The following SHISA9 variants were observed in gnomAD, a reference collection of about 807,000 sequenced individuals.
SHISA9 encodes the protein shisa family member 9, also known as protein shisa-9.
Under a neutral mutation model 38.0 loss-of-function variants are expected in SHISA9, and 13 were observed. The observed-to-expected ratio is 0.34, with a 90% CI of 0.22 to 0.54. SHISA9 has a LOEUF of 0.54. Ranked by LOEUF, SHISA9 falls within the 20% of genes least tolerant of loss-of-function variation. The probability of loss-of-function intolerance (pLI) is 0.91; values close to 1 mark genes in which losing one functional copy is unlikely to be tolerated. For synonymous variants in SHISA9, 275 were observed against 242.0 expected, an observed-to-expected ratio of 1.14 and a Z score of -1.27; for missense variants, 538 against 575.8, an observed-to-expected ratio of 0.93 and a Z score of 0.67.
chr16:13,137,732 G>A (rs1267645622), intron 2 of SHISA9, among the ~76,000 whole-genome samples: 3 of 152,158 alleles, frequency 2.0e-5, no homozygotes, highest in South Asian at 4.1e-4. Flanking sequence ...GGGATTACAG[G>A]CATGAGCCAC....
chr16:13,455,565 G>A, the SHISA9 span, among the ~76,000 whole-genome samples: 2 of 152,156 alleles, frequency 1.3e-5, no homozygotes, highest in Admixed American at 6.5e-5. Context: ...GCCTGGCCCC[G>A]GCTGAATCCT....
At chr16:13,170,492 A>G (rs150080) in intron 2 of SHISA9, among the ~76,000 whole-genome samples, 94,769 of 151,984 alleles carry the variant, frequency 0.62, 29,613 homozygotes, top group Admixed American at 0.67. Context: ...GGGGCCTGCC[A>G]GGGGTGGTGT....
intron 2 of SHISA9, among the ~76,000 whole-genome samples, chr16:13,050,822 AT>A (rs1206959438): frequency 6.6e-6 from 1 of 152,172 alleles, no homozygotes; most frequent in African/African-American, 2.4e-5. Context: ...TTTATGGGAC[AT>A]CCTAATCTCC....
At chr16:13,540,309 C>G in the SHISA9 span, among the ~76,000 whole-genome samples, 1 of 152,164 alleles carries the variant, frequency 6.6e-6, no homozygotes, top group African/African-American at 2.4e-5. Context: ...TAATTTGCAA[C>G]TCCAAATTCA....
chr16:13,492,834 T>C, the SHISA9 span, among the ~76,000 whole-genome samples: 2 of 152,150 alleles, frequency 1.3e-5, no homozygotes, highest in East Asian at 3.8e-4. Context: ...AAACAGCGAG[T>C]TATATGAATA....
chr16:13,490,038 C>T, the SHISA9 span, among the ~76,000 whole-genome samples: 1 of 152,092 alleles, frequency 6.6e-6, no homozygotes, highest in Non-Finnish European at 1.5e-5. Context: ...CCACTTTAAC[C>T]TAAAAGATGT....
chr16:13,191,519 G>A (rs1016354015), intron 2 of SHISA9, among the ~76,000 whole-genome samples: 8 of 152,228 alleles, frequency 5.3e-5, no homozygotes, highest in Admixed American at 5.2e-4. Flanking sequence ...TGATCATAAT[G>A]TATTTGAACC....
intron 2 of SHISA9, among the ~76,000 whole-genome samples, chr16:12,998,074 A>G (rs1362275960): frequency 1.3e-5 from 2 of 152,214 alleles, no homozygotes; most frequent in Non-Finnish European, 2.9e-5. Flanking sequence ...TGTACATAAG[A>G]CAAAGTAATG....
chr16:12,983,855 T>G (rs1282069299), intron 2 of SHISA9, among the ~76,000 whole-genome samples: 1 of 152,212 alleles, frequency 6.6e-6, no homozygotes, highest in Non-Finnish European at 1.5e-5. Flanking sequence ...TGATTCTCAG[T>G]TAGAGTCCTC....
chr16:13,136,077 G>A (rs929796005), intron 2 of SHISA9, among the ~76,000 whole-genome samples: 11 of 152,216 alleles, frequency 7.2e-5, no homozygotes, highest in Admixed American at 7.2e-4. Context: ...CTGAAGTCTG[G>A]TTCTTTGTTT....
the SHISA9 span, among the ~76,000 whole-genome samples, chr16:13,397,032 C>T: frequency 1.3e-5 from 2 of 151,680 alleles, no homozygotes; most frequent in Non-Finnish European, 1.5e-5. Context: ...AGGACGAAGA[C>T]CTTTATGATG....
chr16:12,966,421 G>T (rs1196642363), intron 2 of SHISA9, among the ~76,000 whole-genome samples: 1 of 152,052 alleles, frequency 6.6e-6, no homozygotes, highest in African/African-American at 2.4e-5. Context: ...AGATATGTGC[G>T]TTCTTTCTTT....
chr16:13,014,699 C>A (rs73516725), intron 2 of SHISA9, among the ~76,000 whole-genome samples: 1 of 152,198 alleles, frequency 6.6e-6, no homozygotes, highest in African/African-American at 2.4e-5. Flanking sequence ...GAATTCTGAG[C>A]CGGGGGTGGA....
At chr16:12,964,754 T>G (rs1444265458) in intron 2 of SHISA9, among the ~76,000 whole-genome samples, 1 of 152,186 alleles carries the variant, frequency 6.6e-6, no homozygotes, top group East Asian at 1.9e-4. Context: ...CTAGCTGTGT[T>G]AAACCTCAAA....
chr16:13,144,760 C>T (rs944112768), intron 2 of SHISA9, among the ~76,000 whole-genome samples: 9 of 152,042 alleles, frequency 5.9e-5, no homozygotes, highest in African/African-American at 1.4e-4. Context: ...TGGAGGGCAG[C>T]GGAAGCCGCC....
At chr16:12,956,848 C>A (rs1295516086) in intron 2 of SHISA9, among the ~76,000 whole-genome samples, 1 of 151,970 alleles carries the variant, frequency 6.6e-6, no homozygotes, top group African/African-American at 2.4e-5. Flanking sequence ...ATATACCCCC[C>A]AAATCTAAAG....
At chr16:13,304,659 G>C in the SHISA9 span, among the ~76,000 whole-genome samples, 2 of 152,206 alleles carry the variant, frequency 1.3e-5, no homozygotes, top group East Asian at 1.9e-4. Flanking sequence ...TGAGGTCTAA[G>C]AGTGTTTACG....
the SHISA9 span, among the ~76,000 whole-genome samples, chr16:13,455,821 G>A: frequency 1.3e-5 from 2 of 152,168 alleles, no homozygotes; most frequent in Admixed American, 1.3e-4. Flanking sequence ...TCTCCTGTTT[G>A]AAGAAATGAA....
chr16:13,108,982 A>G (rs2073952385), intron 2 of SHISA9, among the ~76,000 whole-genome samples: 2 of 152,200 alleles, frequency 1.3e-5, no homozygotes, highest in Non-Finnish European at 2.9e-5. Flanking sequence ...TGTGACAGGT[A>G]TATGATGATT....
Sources: gnomAD v4.1 joint callset for allele counts (sites outside exome capture counted in the v4.1 genomes callset) on GRCh38, gnomAD v4.1.1 for gene constraint, MANE v1.5 for transcripts, NCBI Gene and HGNC (gene_info 2026-07-23, HGNC 2026-07-21) for gene names.